FN1: variants seen among roughly 807,000 people sequenced by gnomAD.
The protein encoded by FN1 is fibronectin 1.
FN1 carries 106 observed loss-of-function variants against 297.3 expected under a neutral mutation model. The observed-to-expected ratio is 0.36, with a 90% confidence interval of 0.30 to 0.42. The LOEUF is 0.42. Ranked by LOEUF, FN1 falls within the 10% of genes least tolerant of loss-of-function variation. The pLI, the probability that FN1 is intolerant of heterozygous loss-of-function variation, is 1.00. For synonymous variants in FN1, 1,149 were observed against 1,152.6 expected, an observed-to-expected ratio of 1.00 and a Z score of 0.06; for missense variants, 2,690 against 3,124.9, an observed-to-expected ratio of 0.86 and a Z score of 3.32.
Position 215,383,489 on chromosome 2 carries a change from A to G in FN1, c.4895-6T>C. The G allele has an allele frequency of 6.2e-7, 1 of 1,614,120 alleles. No individual in the cohort carries two copies. Among genetic ancestry groups the G allele is most frequent in the Non-Finnish European group, 8.5e-7 (1 of 1,179,992 alleles). ...CTGGGATGGTTTGTCAATTTCTACA[A>G]ATAAAAGCAGGGAGAAACCAGTGAA... On this transcript the variant is annotated splice_polypyrimidine_tract_variant and splice_region_variant and intron_variant, in intron 30 of 45. Transcript: ENST00000354785.
chr2:215,376,367 G>A lies in FN1; in HGVS notation c.5887+131C>T, dbSNP rs147183564. 882 of 823,886 alleles carry A rather than the reference G, an allele frequency of 1.1e-3. 6 individuals are homozygous for A. The African/African-American group carries it at 0.013, about 12-fold the overall frequency. The allele number at this position is 823,886 out of a possible 1,614,324, so 51.0% of individuals were successfully genotyped here. A position where few individuals can be genotyped will look rare whatever the true frequency, so the allele number is the denominator to read the frequency against. On this transcript the variant is annotated intron_variant, in intron 36 of 45. Coordinates refer to ENST00000354785, the MANE Select transcript of FN1 (RefSeq NM_212482.4). ...TTTCTGATCATAGCATGAAAATAAC[G>A]TTCTAAAACTGGGTTATGATGATAA... is the stretch of plus-strand genomic sequence containing the variant.
At chr2:215,418,051 A>G (rs1379364872) in intron 12 of FN1, among the ~76,000 whole-genome samples, 2 of 152,152 alleles carry the variant, frequency 1.3e-5, no homozygotes, top group Non-Finnish European at 2.9e-5. Context: ...TACTTCCACA[A>G]TCAGATTTAA....
At position 215,383,403 on chromosome 2, in the gene FN1, G is replaced by C; in HGVS notation, c.4975C>G (p.Pro1659Ala). Residue 1659 changes from proline to alanine, a missense_variant, in exon 31 of 46, where the codon CCT becomes GCT. By Grantham distance (27) the Pro-to-Ala change is conservative (BLOSUM62 -1). Coordinates refer to ENST00000354785, the MANE Select transcript of FN1 (RefSeq NM_212482.4). ...GTGGTTACTCTGTAACCAGTAACAG[G>C]GGAACTTGAAGGCAGCCACTTGACA... ...ISVKWLPSSS[P>A]VTGYRVTTTP... 6.2e-7 allele frequency: 1 copy of C among 1,613,956 alleles called. No homozygotes were observed. The highest frequency in any genetic ancestry group is 8.5e-7 in the Non-Finnish European group (1 of 1,179,894).
chr2:215,420,557 A>C (rs1225591673), intron 11 of FN1, 116 bp downstream of exon 11: 1 of 1,309,038 alleles, frequency 7.6e-7, no homozygotes. Flanking sequence ...CTTTGCAAGC[A>C]ACTGATCAAA....
chr2:215,413,524 A>C (rs1406575925), intron 13 of FN1, among the ~76,000 whole-genome samples: 3 of 152,152 alleles, frequency 2.0e-5, no homozygotes, highest in African/African-American at 7.2e-5. Flanking sequence ...TTTTCCATGA[A>C]GTCCCTTTTT....
chr2:215,401,384 T>C (rs971932816), intron 20 of FN1, among the ~76,000 whole-genome samples: 2 of 151,924 alleles, frequency 1.3e-5, no homozygotes, highest in African/African-American at 4.8e-5. Context: ...ATATATAAAG[T>C]TAAGATAGAG....
At chr2:215,391,062 T>G (rs950058457) in intron 26 of FN1, among the ~76,000 whole-genome samples, 3 of 152,196 alleles carry the variant, frequency 2.0e-5, no homozygotes, top group Non-Finnish European at 4.4e-5. Context: ...TTGTTGTTAT[T>G]TATTTAATGT....
chr2:215,383,564 G>C, intron 30 of FN1, 81 bp from the exon 31 acceptor site: 2 of 1,402,160 alleles, frequency 1.4e-6, no homozygotes, highest in Non-Finnish European at 2.0e-6. Context: ...TCTAGGTCTG[G>C]TACATATTCG....
chr2:215,406,063 G>C (rs756240054), intron 19 of FN1, among the ~76,000 whole-genome samples, 175 bp downstream of exon 19: 4 of 152,164 alleles, frequency 2.6e-5, no homozygotes, highest in Non-Finnish European at 5.9e-5. Context: ...GAGCTTGTCT[G>C]AGTTTTGTTT....
In FN1 at chr2:215,389,745, G is replaced by A. The variant is rs550371019; in HGVS notation, c.4253-1444C>T. 1.0e-3 allele frequency among the ~76,000 whole-genome samples: 156 copies of A among 152,146 alleles called. No individual in the cohort carries two copies. The South Asian group carries it at 0.015, about 15-fold the overall frequency. On this transcript the variant is annotated intron_variant, in intron 26 of 45. Transcript: ENST00000354785. ...GTGGAGGTTGCAGTGAGCCCAGATCGTGCCACTGCACTCCATCCTGGGCAA... is the reference window on the plus strand; with the variant it reads ...GTGGAGGTTGCAGTGAGCCCAGATCATGCCACTGCACTCCATCCTGGGCAA...
Position 215,410,137 on chromosome 2 carries a change from AC to A in FN1, c.1942-24del, listed in dbSNP as rs2062384923. 6 of 1,553,882 alleles carry A rather than the reference AC, an allele frequency of 3.9e-6. No homozygotes were observed. In the Admixed American group the frequency reaches 7.7e-5, roughly 20 times the overall value. ...TTTCTGAAAATTTAAATTAACACAC[AC>A]ACACACACACACACGTGTTTACAAG... is the stretch of plus-strand genomic sequence containing the variant. On this transcript the variant is annotated intron_variant, in intron 13 of 45. Coordinates refer to ENST00000354785, the MANE Select transcript of FN1 (RefSeq NM_212482.4).
intron 4 of FN1, among the ~76,000 whole-genome samples, 175 bp from the exon 5 acceptor site, chr2:215,431,027 C>G (rs1383427298): frequency 6.6e-6 from 1 of 152,104 alleles, no homozygotes; most frequent in African/African-American, 2.4e-5. Flanking sequence ...GTAGCCAAGG[C>G]AAAAGAAAGC....
chr2:215,407,051 G>A (rs1054758263), intron 18 of FN1, 76 bp downstream of exon 18: 20 of 1,115,448 alleles, frequency 1.8e-5, no homozygotes, highest in Admixed American at 1.5e-4. Flanking sequence ...GAGGACTGTT[G>A]ACAGAGACAA....
rs777208223 is a variant in FN1, at chr2:215,406,273, C to CT, written c.2950dup (p.Arg984LysfsTer19). ...TTGAGCAGTCAGAGGCTTGCTCTCC[C>CT]TCCCATGGCTCACTGCAAAGACTTT... is the stretch of plus-strand genomic sequence containing the variant. On this transcript the variant is annotated frameshift_variant, in exon 19 of 46. Coordinates refer to ENST00000354785, the MANE Select transcript of FN1 (RefSeq NM_212482.4). LOFTEE classifies it high-confidence loss of function. 1 of 1,614,170 alleles carries CT rather than the reference C, an allele frequency of 6.2e-7. No homozygotes were observed. Among genetic ancestry groups the CT allele is most frequent in the Non-Finnish European group, 8.5e-7 (1 of 1,180,010 alleles).
intron 23 of FN1, among the ~76,000 whole-genome samples, chr2:215,395,561 CAA>C (rs1289414888): frequency 6.7e-6 from 1 of 149,258 alleles, no homozygotes; most frequent in African/African-American, 2.5e-5. Context: ...ACAAAACAAA[CAA>C]AAAAAGAGAG....
At chr2:215,418,501 G>A (rs560289821) in intron 12 of FN1, among the ~76,000 whole-genome samples, 22 of 152,284 alleles carry the variant, frequency 1.4e-4, no homozygotes, top group Middle Eastern at 3.4e-3. Flanking sequence ...GAAGACTTTG[G>A]AGACTTTGCA....
intron 16 of FN1, 45 bp from the exon 17 acceptor site, chr2:215,408,242 A>G (rs370308151): frequency 1.2e-6 from 2 of 1,612,974 alleles, no homozygotes; most frequent in African/African-American, 1.3e-5. Context: ...AAGTGCTACT[A>G]CAGGCCTGTG....
chr2:215,412,779 T>TTTTTTC, intron 13 of FN1, among the ~76,000 whole-genome samples: 1 of 145,750 alleles, frequency 6.9e-6, no homozygotes, highest in Non-Finnish European at 1.5e-5. Context: ...TTTTTTTTTT[T>TTTTTTC]TTTACTTCAT....
intron 20 of FN1, among the ~76,000 whole-genome samples, chr2:215,399,980 G>A (rs752317258): frequency 6.6e-6 from 1 of 152,066 alleles, no homozygotes; most frequent in Non-Finnish European, 1.5e-5. Flanking sequence ...TTGAGGTCAG[G>A]AGTTCGAGAC....
Sources: allele counts gnomAD v4.1 joint callset (sites outside exome capture counted in the v4.1 genomes callset), GRCh38; gene constraint gnomAD v4.1.1; transcripts MANE v1.5; gene names NCBI Gene and HGNC (gene_info 2026-07-23, HGNC 2026-07-21).